Variants in BAIAP3 observed in about 807,000 individuals in gnomAD.
BAIAP3 encodes BAI1-associated protein 3.
Under a neutral mutation model 149.7 loss-of-function variants are expected in BAIAP3, and 180 were observed. That is an observed-to-expected ratio of 1.20 (90% CI 1.07 to 1.36). The LOEUF (loss-of-function observed/expected upper bound fraction) is 1.36. Among genes scored for constraint, BAIAP3 ranks in the 40% most tolerant of loss-of-function variants. The probability of loss-of-function intolerance (pLI) is 0.00; values close to 1 mark genes in which losing one functional copy is unlikely to be tolerated. For synonymous variants in BAIAP3, 845 were observed against 670.7 expected, an observed-to-expected ratio of 1.26 and a Z score of -4.02; for missense variants, 1,767 against 1,563.4, an observed-to-expected ratio of 1.13 and a Z score of -2.20.
intron 14 of BAIAP3, 145 bp from the exon 15 acceptor site, chr16:1,343,248 G>A: frequency 7.7e-7 from 1 of 1,297,760 alleles, no homozygotes; most frequent in Middle Eastern, 2.7e-4. Flanking sequence ...GCGCTAATTG[G>A]AGGGCAGGGA....
In BAIAP3 at chr16:1,341,131, C is replaced by T. The variant is rs11866635; in HGVS notation, c.471C>T (p.Ala157=). The change falls in exon 7 of 34, where the codon GCC becomes GCT. Residue 157 remains alanine (A), a splice_region_variant and synonymous_variant. Coordinates refer to ENST00000426824, the MANE Select transcript of BAIAP3 (RefSeq NM_001199097.2). ...CCCCCACGCCCCTCTGTCCACAGGC[C>T]CCCACGTATGCCCTGAAAGTCTCTG... is the stretch of plus-strand genomic sequence containing the variant. ...EAIERVRKAK[A]PTYALKVSVM... 59,598 of 1,612,462 alleles carry T rather than the reference C, an allele frequency of 0.037. 2,419 individuals are homozygous for T. Among genetic ancestry groups the T allele is most frequent in the African/African-American group, 0.2 (14,708 of 75,012 alleles).
At position 1,348,185 on chromosome 16, in the gene BAIAP3, C is replaced by T. The variant is rs780724620; in HGVS notation, c.3239C>T (p.Ala1080Val). The T allele has an allele frequency of 3.0e-5, 49 of 1,609,372 alleles. 1 individual carries two copies. In the South Asian group the frequency reaches 4.5e-4, roughly 15 times the overall value. ...GACTGGCTGTCCACCAACGACTTCG[C>T]TGGGGAGGCGGCCCTCGGCCTAGGT... ...DHDWLSTNDF[A>V]GEAALGLGGV... The change falls in exon 33 of 34, where the codon GCT (alanine) becomes GTT (valine). Residue 1080 changes from alanine to valine, a missense_variant. Coordinates refer to ENST00000426824, the MANE Select transcript of BAIAP3 (RefSeq NM_001199097.2).
chr16:1,334,620 G>A (rs2033341136), intron 1 of BAIAP3: 2 of 1,530,438 alleles, frequency 1.3e-6, no homozygotes, highest in East Asian at 2.5e-5. Context: ...CAAGGCCACC[G>A]GCAGCGCTTG....
Position 1,335,540 on chromosome 16 carries a change from G to A in BAIAP3, c.-11+1791G>A, listed in dbSNP as rs771890295. Among the ~76,000 whole-genome samples the A allele has an allele frequency of 4.5e-4, 68 of 152,220 alleles. 1 individual carries two copies. The highest frequency in any genetic ancestry group is 7.9e-4 in the Non-Finnish European group (54 of 68,040). On this transcript the variant is annotated intron_variant, in intron 1 of 33. Transcript: ENST00000426824. ...CCAGGCAGCCAGTGCTTCCTGTACT[G>A]GTCACAGACAGATGCATATGCCCAC...
chr16:1,336,122 C>G, intron 1 of BAIAP3: 1 of 761,902 alleles, frequency 1.3e-6, no homozygotes, highest in Non-Finnish European at 1.6e-6. Flanking sequence ...TCCAGGACTG[C>G]GAGCCCCCAT....
intron 5 of BAIAP3, 72 bp downstream of exon 5, chr16:1,339,675 C>A (rs2033723062): frequency 4.3e-6 from 5 of 1,167,174 alleles, no homozygotes; most frequent in Non-Finnish European, 6.3e-6. Context: ...CCCACTGACA[C>A]CATCATCACC....
At position 1,346,982 on chromosome 16, in the gene BAIAP3, C is replaced by A. The variant is rs184551886; in HGVS notation, c.2751+27C>A. 2.4e-4 allele frequency: 367 copies of A among 1,557,230 alleles called. 3 individuals are homozygous for A. The African/African-American group carries it at 3.5e-3, about 15-fold the overall frequency. On this transcript the variant is annotated intron_variant, in intron 28 of 33. Coordinates refer to ENST00000426824, the MANE Select transcript of BAIAP3 (RefSeq NM_001199097.2). ...TAGAGCTCTGTGAAGGAGTCCTCCC[C>A]GCCGGCCCCCGCCTCAGGGCTGCTC...
Position 1,339,571 on chromosome 16 carries a change from G to T in BAIAP3, c.376G>T (p.Asp126Tyr), listed in dbSNP as rs151334572. The change falls in exon 5 of 34, where the codon GAC becomes TAC. Residue 126 changes from aspartate (D) to tyrosine (Y), a missense_variant. Physicochemically the swap from Asp to Tyr is radical, Grantham distance 160 (BLOSUM62 -3). Transcript: ENST00000426824. ...AGTMGPDQVD[D>Y]EEALLSYLQQ... is the part of the protein sequence containing the mutation. ...TACCATGGGCCCTGACCAGGTGGAC[G>T]ACGAGGAGGCCCTGCTCAGCTATCT... is the stretch of plus-strand genomic sequence containing the variant. 1.2e-6 allele frequency: 2 copies of T among 1,612,390 alleles called. No homozygotes were observed. The highest frequency in any genetic ancestry group is 1.7e-6 in the Non-Finnish European group (2 of 1,179,790).
At position 1,344,697 on chromosome 16, in the gene BAIAP3, A is replaced by C. The variant is rs2034190005; in HGVS notation, c.1756A>C (p.Ser586Arg). Reference sequence around the variant, plus strand: ...CAGTGTGTACGCCAGCCTCTTCCACAGGTGGGCCTGGCCCCTCAGTGCTGT... The same window carrying C: ...CAGTGTGTACGCCAGCCTCTTCCACCGGTGGGCCTGGCCCCTCAGTGCTGT... Reference protein sequence around the residue: ...CYSVYASLFHSILNVDVFTLT... With the variant: ...CYSVYASLFHRILNVDVFTLT... The change falls in exon 19 of 34, where the codon AGC becomes CGC. Residue 586 changes from serine to arginine, a missense_variant and splice_region_variant. Coordinates refer to ENST00000426824, the MANE Select transcript of BAIAP3 (RefSeq NM_001199097.2). 1 of 1,613,598 alleles carries C rather than the reference A, an allele frequency of 6.2e-7. No homozygotes were observed. The highest frequency in any genetic ancestry group is 1.7e-5 in the Admixed American group (1 of 60,014).
chr16:1,338,473 C>CCCCCCGGGGGGGG, intron 1 of BAIAP3, 67 bp from the exon 2 acceptor site: 2 of 1,091,546 alleles, frequency 1.8e-6, no homozygotes, highest in Non-Finnish European at 2.4e-6. Context: ...CCCACCCCCC[C>CCCCCCGGGGGGGG]GCCTGCTGTG....
At chr16:1,339,286 G>A (rs1478942576) in intron 4 of BAIAP3, 42 bp downstream of exon 4, 8 of 1,544,716 alleles carry the variant, frequency 5.2e-6, no homozygotes, top group Non-Finnish European at 6.1e-6. Flanking sequence ...GTCTGCAGCG[G>A]CTGCTCCCTC....
intron 6 of BAIAP3, 41 bp downstream of exon 6, chr16:1,341,022 G>T: frequency 6.2e-7 from 1 of 1,609,540 alleles, no homozygotes; most frequent in Admixed American, 1.7e-5. Flanking sequence ...ACCAGCACGT[G>T]CCTGCGTGGC....
intron 1 of BAIAP3, chr16:1,336,215 C>G (rs1032168034): frequency 5.1e-6 from 5 of 985,284 alleles, no homozygotes; most frequent in Non-Finnish European, 6.0e-6. Context: ...CGGGGGACAG[C>G]AGGGGGAGCA....
In BAIAP3 at chr16:1,346,714, G is replaced by A. The variant is rs372440030; in HGVS notation, c.2642+30G>A. On this transcript the variant is annotated intron_variant, in intron 27 of 33. Transcript: ENST00000426824. ...GGGCGGGTGGGGTGGGATGGGCTGG[G>A]CTGGCCCGTGGTCACTGAGGCCGCC... is the stretch of plus-strand genomic sequence containing the variant. 14 of 1,500,848 alleles carry A rather than the reference G, an allele frequency of 9.3e-6. No homozygotes were observed. The African/African-American group carries it at 1.4e-4, about 15-fold the overall frequency. 93.0% of individuals were successfully genotyped at this position (1,500,848 alleles called of 1,614,324 possible).
chr16:1,342,173 G>A lies in BAIAP3; in HGVS notation c.855-8G>A, dbSNP rs968632844. On this transcript the variant is annotated splice_polypyrimidine_tract_variant and splice_region_variant and intron_variant, in intron 10 of 33. Coordinates refer to ENST00000426824, the MANE Select transcript of BAIAP3 (RefSeq NM_001199097.2). Reference sequence around the variant, plus strand: ...ATCAGCGTGATGCTCACCACCTGTGGTGGCCAGGTACTTCAAACAGATCGT... The same window carrying A: ...ATCAGCGTGATGCTCACCACCTGTGATGGCCAGGTACTTCAAACAGATCGT... 6.3e-7 allele frequency: 1 copy of A among 1,593,824 alleles called. No homozygotes were observed. The highest frequency in any genetic ancestry group is 8.6e-7 in the Non-Finnish European group (1 of 1,166,764).
chr16:1,346,916 C>G lies in BAIAP3; in HGVS notation c.2712C>G (p.Val904=). The G allele has an allele frequency of 6.2e-7, 1 of 1,611,576 alleles. No homozygotes were observed. Among genetic ancestry groups the G allele is most frequent in the Non-Finnish European group, 8.5e-7 (1 of 1,179,746 alleles). The part of the protein sequence containing the change: ...ILQALGANRD[V]SADFYSRFHF... ...AGGCGCTGGGTGCAAACCGTGACGT[C>G]TCTGCTGATTTCTACAGCCGCTTCC... is the stretch of plus-strand genomic sequence containing the variant. The change falls in exon 28 of 34, where the codon GTC becomes GTG. Residue 904 remains valine, a synonymous_variant. Coordinates refer to ENST00000426824, the MANE Select transcript of BAIAP3 (RefSeq NM_001199097.2).
At chr16:1,336,378 G>T in intron 1 of BAIAP3, 1 of 985,426 alleles carries the variant, frequency 1.0e-6, no homozygotes, top group Non-Finnish European at 1.2e-6. Context: ...CACAGGGGAA[G>T]GCACTGATAG....
Position 1,338,645 on chromosome 16 carries a change from C to A in BAIAP3, c.96C>A (p.Ala32=), listed in dbSNP as rs751459872. The change falls in exon 2 of 34, where the codon GCC becomes GCA. Residue 32 remains alanine, a synonymous_variant. Coordinates refer to ENST00000426824, the MANE Select transcript of BAIAP3 (RefSeq NM_001199097.2). ...RRRTEQDPGS[A]SADPQEPATG... ...GGACTGAGCAGGACCCAGGGAGTGC[C>A]AGCGCCGACCCGCAGGAGCCTGCCA... The A allele has an allele frequency of 6.3e-7, 1 of 1,594,210 alleles. No homozygotes were observed. Among genetic ancestry groups the A allele is most frequent in the Non-Finnish European group, 8.5e-7 (1 of 1,171,980 alleles).
intron 4 of BAIAP3, 32 bp from the exon 5 acceptor site, chr16:1,339,464 C>T (rs374144851): frequency 7.3e-5 from 116 of 1,585,102 alleles, no homozygotes; most frequent in East Asian, 5.2e-4. Context: ...GCCTGGGACG[C>T]GGCACTGTGG....
Sources: gnomAD v4.1 joint callset for allele counts (sites outside exome capture counted in the v4.1 genomes callset) on GRCh38, gnomAD v4.1.1 for gene constraint, MANE v1.5 for transcripts, NCBI Gene and HGNC (gene_info 2026-07-23, HGNC 2026-07-21) for gene names.